ELAPOR1: variants seen among roughly 807,000 people sequenced by gnomAD.
ELAPOR1 encodes the protein endosome/lysosome-associated apoptosis and autophagy regulator 1.
ELAPOR1 carries 77 observed loss-of-function variants against 119.7 expected under a neutral mutation model. That is an observed-to-expected ratio of 0.64 (90% confidence interval 0.54 to 0.78). The LOEUF (loss-of-function observed/expected upper bound fraction) is 0.78, where lower values mean the gene tolerates loss of function less well. ELAPOR1 is among the 30% of genes least tolerant of loss of function. The pLI, the probability that ELAPOR1 is intolerant of heterozygous loss-of-function variation, is 0.00. For synonymous variants in ELAPOR1, 481 were observed against 487.2 expected (o/e 0.99, Z 0.17); for missense variants, 1,115 against 1,270.4 (o/e 0.88, Z 1.86).
chr1:109,202,110 G>T (rs1654206519), intron 21 of ELAPOR1, among the ~76,000 whole-genome samples: 1 of 151,796 alleles, frequency 6.6e-6, no homozygotes, highest in East Asian at 1.9e-4. Flanking sequence ...TAAAAAACAT[G>T]TATTTATTTA....
intron 21 of ELAPOR1, 99 bp downstream of exon 21, chr1:109,200,999 C>A (rs1470185686): frequency 1.1e-5 from 13 of 1,160,010 alleles, no homozygotes; most frequent in Non-Finnish European, 1.5e-5. Context: ...GGGATGGGCA[C>A]CCTGCTCCCC....
intron 2 of ELAPOR1, 66 bp downstream of exon 2, chr1:109,162,080 C>T (rs1651302430): frequency 1.9e-6 from 3 of 1,543,640 alleles, no homozygotes; most frequent in Non-Finnish European, 1.8e-6. Context: ...AAGTCTCCTG[C>T]CATCCAATCT....
At position 109,200,759 on chromosome 1, in the gene ELAPOR1, G is replaced by A; in HGVS notation, c.2832G>A (p.Leu944=). 2 of 1,614,080 alleles carry A rather than the reference G, an allele frequency of 1.2e-6. No homozygotes were observed. Among genetic ancestry groups the A allele is most frequent in the Non-Finnish European group, 1.7e-6 (2 of 1,179,986 alleles). Residue 944 remains leucine (L), a synonymous_variant, in exon 21 of 22, where the codon CTG becomes CTA. Coordinates refer to ENST00000369939, the MANE Select transcript of ELAPOR1 (RefSeq NM_020775.5). ...GACTAGAGTACAAGTACTCCAAGCT[G>A]GTGATGAATGCTACTCTCAAGGACT... ...NQKLEYKYSK[L]VMNATLKDCD...
chr1:109,201,341 G>T (rs1490125890), intron 21 of ELAPOR1: 3 of 456,452 alleles, frequency 6.6e-6, no homozygotes, highest in Non-Finnish European at 1.3e-5. Flanking sequence ...AGTCCTTTGG[G>T]AGCTGAATCA....
In ELAPOR1 at chr1:109,173,505, A is replaced by G. The variant is rs913300876; in HGVS notation, c.728A>G (p.Tyr243Cys). The change falls in exon 6 of 22, where the codon TAT becomes TGT. Residue 243 changes from tyrosine (Y) to cysteine (C), a missense_variant. By Grantham distance (194) the Tyr-to-Cys change is radical. Coordinates refer to ENST00000369939, the MANE Select transcript of ELAPOR1 (RefSeq NM_020775.5). ...CTAAATCGAGGCAATAATGTCCTCT[A>G]TTGGAGAACCACAGCCTTCTCAGTA... Reference protein sequence around the residue: ...VELNRGNNVLYWRTTAFSVWT... With the variant: ...VELNRGNNVLCWRTTAFSVWT... The G allele has an allele frequency of 8.7e-6, 14 of 1,614,076 alleles. No individual in the cohort carries two copies. The highest frequency in any genetic ancestry group is 1.2e-5 in the Non-Finnish European group (14 of 1,180,030).
At chr1:109,142,938 G>A (rs1177659856) in intron 1 of ELAPOR1, among the ~76,000 whole-genome samples, 1 of 152,012 alleles carries the variant, frequency 6.6e-6, no homozygotes, top group Admixed American at 6.6e-5. Context: ...ATAAAATGTG[G>A]TATGTCCATA....
At chr1:109,182,884 A>T (rs928158118) in intron 7 of ELAPOR1, among the ~76,000 whole-genome samples, 9 of 151,894 alleles carry the variant, frequency 5.9e-5, no homozygotes, top group African/African-American at 2.2e-4. Context: ...AAAAAAAAAA[A>T]AATCTCATTC....
intron 1 of ELAPOR1, among the ~76,000 whole-genome samples, chr1:109,135,508 G>T (rs1649415501): frequency 6.6e-6 from 1 of 152,190 alleles, no homozygotes; most frequent in South Asian, 2.1e-4. Flanking sequence ...CTCCCAAAGT[G>T]CTGGGATTAC....
In ELAPOR1 at chr1:109,192,425, A is replaced by G. The variant is rs115478669; in HGVS notation, c.1684-186A>G. 5.2e-3 allele frequency among the ~76,000 whole-genome samples: 798 copies of G among 152,230 alleles called. 6 individuals are homozygous for G. Among genetic ancestry groups the G allele is most frequent in the African/African-American group, 0.018 (760 of 41,534 alleles). On this transcript the variant is annotated intron_variant, in intron 13 of 21. Transcript: ENST00000369939. ...TATGTCCTATAAATGGTTCAGTCTCATTTTAAAATGACATCAAATGCACAC... is the reference window on the plus strand; with the variant it reads ...TATGTCCTATAAATGGTTCAGTCTCGTTTTAAAATGACATCAAATGCACAC...
chr1:109,202,606 A>G (rs113287688), intron 21 of ELAPOR1, among the ~76,000 whole-genome samples: 27,056 of 147,042 alleles, frequency 0.18, 2,532 homozygotes, highest in South Asian at 0.27. Context: ...ATGCCTGGCT[A>G]ATTTTTGTAT....
At chr1:109,171,738 C>T in intron 3 of ELAPOR1, 128 bp from the exon 4 acceptor site, 2 of 990,932 alleles carry the variant, frequency 2.0e-6, no homozygotes, top group Non-Finnish European at 1.5e-6. Flanking sequence ...TTTTCAGGTC[C>T]AAGTTTCAGT....
chr1:109,189,458 C>G lies in ELAPOR1; in HGVS notation c.1349-134C>G, dbSNP rs603285. 6 of 853,070 alleles carry G rather than the reference C, an allele frequency of 7.0e-6. No homozygotes were observed. In the African/African-American group the frequency reaches 8.4e-5, roughly 12 times the overall value. The allele number at this position is 853,070 out of a possible 1,614,324, so 52.8% of individuals were successfully genotyped here. ...TTGACCAAAGTGGCAGGATAAGTAA[C>G]ACGGTTCATGTTCAGTGGTGGTTCT... is the stretch of plus-strand genomic sequence containing the variant. On this transcript the variant is annotated intron_variant, in intron 10 of 21. Transcript: ENST00000369939.
intron 15 of ELAPOR1, among the ~76,000 whole-genome samples, chr1:109,195,452 C>G (rs1172422899): frequency 4.6e-5 from 7 of 151,658 alleles, no homozygotes; most frequent in Non-Finnish European, 1.0e-4. Context: ...GGAGATCACG[C>G]CACTACACTC....
At chr1:109,200,946 G>C in intron 21 of ELAPOR1, 46 bp downstream of exon 21, 1 of 1,576,740 alleles carries the variant, frequency 6.3e-7, no homozygotes, top group Non-Finnish European at 8.6e-7. Flanking sequence ...GAGGGCTGGA[G>C]GAGACACTGC....
At chr1:109,141,530 G>T (rs1351532328) in intron 1 of ELAPOR1, among the ~76,000 whole-genome samples, 1 of 152,070 alleles carries the variant, frequency 6.6e-6, no homozygotes. Flanking sequence ...CAAAGTGCTG[G>T]GATTACAGGA....
At chr1:109,115,193 G>A (rs890015684) in intron 1 of ELAPOR1, among the ~76,000 whole-genome samples, 1 of 152,140 alleles carries the variant, frequency 6.6e-6, no homozygotes, top group African/African-American at 2.4e-5. Context: ...TCATTTCTAT[G>A]TTATTGAAAT....
Position 109,146,269 on chromosome 1 carries a change from G to A in ELAPOR1, c.154-15625G>A, listed in dbSNP as rs975568171. Reference sequence around the variant, plus strand: ...AGGGAAGTCGAGGCTGCAGTGAGCCGAAATTGAGTCGCTGCACTCCAGACT... The same window carrying A: ...AGGGAAGTCGAGGCTGCAGTGAGCCAAAATTGAGTCGCTGCACTCCAGACT... On this transcript the variant is annotated intron_variant, in intron 1 of 21. Transcript: ENST00000369939. Among the ~76,000 whole-genome samples the A allele has an allele frequency of 9.2e-5, 14 of 152,064 alleles. No homozygotes were observed. In the East Asian group the frequency reaches 2.1e-3, roughly 23 times the overall value.
At chr1:109,165,732 A>ACTT (rs1054056962) in intron 3 of ELAPOR1, among the ~76,000 whole-genome samples, 5 of 145,350 alleles carry the variant, frequency 3.4e-5, no homozygotes, top group South Asian at 2.2e-4. Flanking sequence ...TTGGGTGCTA[A>ACTT]CTTCTTCTTC....
In ELAPOR1 at chr1:109,192,640, G is replaced by T; in HGVS notation, c.1713G>T (p.Lys571Asn). ...ASRKYTNDVA[K>N]IYSINVTNVM... Reference sequence around the variant, plus strand: ...GGAAGTACACCAATGACGTTGCCAAGATCTACTCCATCAATGTCACCAATG... The same window carrying T: ...GGAAGTACACCAATGACGTTGCCAATATCTACTCCATCAATGTCACCAATG... Residue 571 changes from lysine (K) to asparagine (N), a missense_variant, in exon 14 of 22, where the codon AAG becomes AAT. Coordinates refer to ENST00000369939, the MANE Select transcript of ELAPOR1 (RefSeq NM_020775.5). The T allele has an allele frequency of 6.2e-7, 1 of 1,614,142 alleles. No homozygotes were observed.
Sources: gnomAD v4.1 joint callset for allele counts (sites outside exome capture counted in the v4.1 genomes callset) on GRCh38, gnomAD v4.1.1 for gene constraint, MANE v1.5 for transcripts, NCBI Gene and HGNC (gene_info 2026-07-23, HGNC 2026-07-21) for gene names.